The following CAMK4 variants were observed in gnomAD, a reference collection of about 807,000 sequenced individuals.
The protein encoded by CAMK4 is calcium/calmodulin dependent protein kinase IV.
In CAMK4, 22 loss-of-function variants were observed where a neutral mutation model predicts 44.9. The observed-to-expected ratio is 0.49, with a 90% CI of 0.35 to 0.70. CAMK4 has a LOEUF of 0.70. Among genes scored for constraint, CAMK4 ranks in the 30% least tolerant of loss-of-function variants. The pLI is 0.01. For missense variants in CAMK4, 498 were observed against 586.8 expected (o/e 0.85, Z 1.56); for synonymous variants, 218 against 215.4 (o/e 1.01, Z -0.11).
intron 5 of CAMK4, among the ~76,000 whole-genome samples, chr5:111,424,358 G>A (rs957900019): frequency 6.7e-6 from 1 of 148,716 alleles, no homozygotes; most frequent in African/African-American, 2.5e-5. Flanking sequence ...TAGTGAAAGA[G>A]AATCACATTA....
intron 1 of CAMK4, among the ~76,000 whole-genome samples, chr5:111,249,658 G>GTGTA (rs1554054676): frequency 1.8e-4 from 18 of 97,834 alleles, no homozygotes; most frequent in Middle Eastern, 4.9e-3. Context: ...GTGTGTGTGT[G>GTGTA]TATATATATG....
At chr5:111,229,597 G>C (rs929737327) in intron 1 of CAMK4, among the ~76,000 whole-genome samples, 2 of 152,190 alleles carry the variant, frequency 1.3e-5, no homozygotes, top group African/African-American at 2.4e-5. Context: ...CGTGACCAGA[G>C]CTTCTTAGAT....
chr5:111,363,962 C>G (rs1750695051), intron 2 of CAMK4, among the ~76,000 whole-genome samples: 2 of 152,036 alleles, frequency 1.3e-5, no homozygotes, highest in Non-Finnish European at 2.9e-5. Flanking sequence ...GGGTAAGGAT[C>G]AAAGCAGTGA....
In CAMK4 at chr5:111,316,928, G is replaced by A. The variant is rs1392627961; in HGVS notation, c.162-27096G>A. 2.0e-5 allele frequency among the ~76,000 whole-genome samples: 3 copies of A among 152,208 alleles called. No individual in the cohort carries two copies. In the East Asian group the frequency reaches 5.8e-4, roughly 29 times the overall value. On this transcript the variant is annotated intron_variant, in intron 1 of 10. Coordinates refer to ENST00000282356, the MANE Select transcript of CAMK4 (RefSeq NM_001744.6). ...TGACCTCTACACTAAAAATTGAGTT[G>A]TTTTTGTAATTGTATCCTAATATAT...
intron 4 of CAMK4, among the ~76,000 whole-genome samples, chr5:111,383,580 A>G (rs924065969): frequency 4.0e-5 from 6 of 151,730 alleles, no homozygotes; most frequent in Non-Finnish European, 8.8e-5. Flanking sequence ...GGCCAGATAG[A>G]TGCCTACACC....
chr5:111,370,472 T>C (rs967761150), intron 2 of CAMK4, among the ~76,000 whole-genome samples: 232 of 151,516 alleles, frequency 1.5e-3, no homozygotes, highest in African/African-American at 5.4e-3. Context: ...AAATGGCGGG[T>C]GTGGGAGTGG....
chr5:111,294,674 A>ATT (rs57275745), intron 1 of CAMK4, among the ~76,000 whole-genome samples: 44 of 143,630 alleles, frequency 3.1e-4, no homozygotes, highest in African/African-American at 7.4e-4. Context: ...GCTTATTTCT[A>ATT]TTTTTTTTTT....
intron 5 of CAMK4, among the ~76,000 whole-genome samples, chr5:111,411,034 AG>A (rs1475207992): frequency 6.6e-6 from 1 of 152,158 alleles, no homozygotes; most frequent in Admixed American, 6.5e-5. Flanking sequence ...CACACACAAA[AG>A]TTTCAAAGTT....
intron 4 of CAMK4, among the ~76,000 whole-genome samples, chr5:111,377,590 A>C (rs1266731895): frequency 1.3e-5 from 2 of 152,032 alleles, no homozygotes; most frequent in Non-Finnish European, 2.9e-5. Context: ...AAGACACACA[A>C]ACTTTATGTT....
intron 1 of CAMK4, among the ~76,000 whole-genome samples, chr5:111,226,323 G>GA (rs1234096156): frequency 1.3e-5 from 2 of 152,144 alleles, no homozygotes; most frequent in Non-Finnish European, 2.9e-5. Flanking sequence ...GCCTGCATAG[G>GA]AAAAAACTGA....
intron 7 of CAMK4, among the ~76,000 whole-genome samples, chr5:111,467,394 AAAAGC>A (rs1754877240): frequency 6.7e-6 from 1 of 148,920 alleles, no homozygotes; most frequent in African/African-American, 2.5e-5. Flanking sequence ...AAAAAAAAAA[AAAAGC>A]AGAGTAAACA....
chr5:111,367,853 G>A (rs1280865470), intron 2 of CAMK4, among the ~76,000 whole-genome samples: 1 of 152,048 alleles, frequency 6.6e-6, no homozygotes, highest in Non-Finnish European at 1.5e-5. Context: ...CTGGTACAAT[G>A]TCTCTGGAGA....
In CAMK4 at chr5:111,312,865, A is replaced by G. The variant is rs375637592; in HGVS notation, c.162-31159A>G. 6.6e-5 allele frequency among the ~76,000 whole-genome samples: 10 copies of G among 152,220 alleles called. No individual in the cohort carries two copies. In the South Asian group the frequency reaches 1.0e-3, roughly 16 times the overall value. ...CTTTGGAGCATTGGCTCCAGTATAC[A>G]TTTTGCAGACTTCACGTTTTAATGC... On this transcript the variant is annotated intron_variant, in intron 1 of 10. Coordinates refer to ENST00000282356, the MANE Select transcript of CAMK4 (RefSeq NM_001744.6).
intron 4 of CAMK4, among the ~76,000 whole-genome samples, chr5:111,388,503 T>A (rs1191573181): frequency 6.6e-6 from 1 of 152,152 alleles, no homozygotes; most frequent in Non-Finnish European, 1.5e-5. Context: ...TCCTTGCATC[T>A]GAAAAATTTC....
At chr5:111,455,235 T>C (rs1023438504) in intron 7 of CAMK4, among the ~76,000 whole-genome samples, 15 of 152,210 alleles carry the variant, frequency 9.9e-5, no homozygotes, top group African/African-American at 3.1e-4. Flanking sequence ...ACTTAGAGTC[T>C]GCAGGTGCCT....
chr5:111,336,952 T>A (rs1246898580), intron 1 of CAMK4, among the ~76,000 whole-genome samples: 7 of 151,214 alleles, frequency 4.6e-5, no homozygotes, highest in Non-Finnish European at 1.5e-5. Flanking sequence ...AAATTTTTTT[T>A]TACTGTATTT....
At chr5:111,348,310 T>TATCCATAGGAATAAGG (rs1467688757) in intron 2 of CAMK4, among the ~76,000 whole-genome samples, 1 of 152,034 alleles carries the variant, frequency 6.6e-6, no homozygotes, top group Admixed American at 6.6e-5. Context: ...TGCGCTGACT[T>TATCCATAGGAATAAGG]ATCCATAGGA....
intron 1 of CAMK4, among the ~76,000 whole-genome samples, chr5:111,331,023 G>T (rs1749145204): frequency 1.3e-5 from 2 of 151,598 alleles, no homozygotes; most frequent in Non-Finnish European, 1.5e-5. Context: ...ACTACTAGAA[G>T]AAAACTAGGA....
intron 1 of CAMK4, among the ~76,000 whole-genome samples, chr5:111,252,438 C>G (rs117821127): frequency 1.3e-5 from 2 of 152,014 alleles, no homozygotes; most frequent in Non-Finnish European, 2.9e-5. Flanking sequence ...ATGATATGAC[C>G]AGCATTTTCT....
Sources: allele counts gnomAD v4.1 joint callset (sites outside exome capture counted in the v4.1 genomes callset), GRCh38; gene constraint gnomAD v4.1.1; transcripts MANE v1.5; gene names NCBI Gene and HGNC (gene_info 2026-07-23, HGNC 2026-07-21).